The following LINC00237 variants were observed in gnomAD, a reference collection of about 807,000 sequenced individuals.
The protein encoded by LINC00237 is long intergenic non-protein coding RNA 237.
intron 1 of LINC00237, chr20:21,106,174 C>G (rs1229831159): frequency 1.3e-5 from 2 of 152,398 alleles, no homozygotes; most frequent in African/African-American, 2.4e-5. Context: ...TCGGCTCAGA[C>G]CAGAGCTACC....
intron 3 of LINC00237, among the ~76,000 whole-genome samples, chr20:21,086,857 A>G (rs2030716461): frequency 7.6e-6 from 1 of 131,376 alleles, no homozygotes; most frequent in Non-Finnish European, 1.6e-5. Context: ...TATACACTAT[A>G]TATGTATATA....
intron 1 of LINC00237, among the ~76,000 whole-genome samples, chr20:21,096,794 C>T (rs7261893): frequency 0.018 from 2,792 of 152,290 alleles, 85 homozygotes; most frequent in African/African-American, 0.063. Flanking sequence ...CAGGCTCAGC[C>T]TACATGAGGT....
intron 1 of LINC00237, among the ~76,000 whole-genome samples, chr20:21,094,021 G>A (rs2030824371): frequency 1.3e-5 from 2 of 152,178 alleles, no homozygotes; most frequent in Admixed American, 1.3e-4. Flanking sequence ...TGGGGATGGA[G>A]GAGAGGTGTG....
intron 1 of LINC00237, among the ~76,000 whole-genome samples, chr20:21,097,911 T>A (rs564446696): frequency 2.0e-5 from 3 of 151,784 alleles, no homozygotes; most frequent in Non-Finnish European, 4.4e-5. Context: ...CTCATTAGTT[T>A]AAAAAAAAAT....
At chr20:21,087,796 T>A (rs567125391) in intron 3 of LINC00237, 2 of 152,354 alleles carry the variant, frequency 1.3e-5, no homozygotes, top group Admixed American at 1.3e-4. Flanking sequence ...TCACAATTCA[T>A]TCCTGATATA....
At chr20:21,087,177 G>T (rs577639415) in intron 3 of LINC00237, among the ~76,000 whole-genome samples, 3 of 151,588 alleles carry the variant, frequency 2.0e-5, no homozygotes, top group African/African-American at 7.3e-5. Flanking sequence ...GGGCAGTATG[G>T]ATTATGAATT....
At chr20:21,099,094 C>A (rs1227777620) in intron 1 of LINC00237, among the ~76,000 whole-genome samples, 3 of 152,206 alleles carry the variant, frequency 2.0e-5, no homozygotes, top group Non-Finnish European at 4.4e-5. Flanking sequence ...TGGGCCAACT[C>A]AGTGCTTTGG....
rs116675600 is a variant in LINC00237, at chr20:21,090,972, C to T, written n.472+2497G>A. Among the ~76,000 whole-genome samples, 324 of 152,274 alleles carry T rather than the reference C, an allele frequency of 2.1e-3. 1 individual carries two copies. Among genetic ancestry groups the T allele is most frequent in the African/African-American group, 7.4e-3 (308 of 41,550 alleles). ...TGCCCGGGTCTTCTCCTGGCATCAACACAGTCCCATTTACTACTTCTTTCT... is the reference window on the plus strand; with the variant it reads ...TGCCCGGGTCTTCTCCTGGCATCAATACAGTCCCATTTACTACTTCTTTCT... On this transcript the variant is annotated intron_variant and non_coding_transcript_variant, in intron 2 of 3. Coordinates refer to ENST00000691244, the Ensembl canonical transcript of LINC00237.
At chr20:21,087,206 T>G (rs1362098745) in intron 3 of LINC00237, among the ~76,000 whole-genome samples, 1 of 151,742 alleles carries the variant, frequency 6.6e-6, no homozygotes, top group Non-Finnish European at 1.5e-5. Flanking sequence ...GACATCATTC[T>G]CTTCATGTCA....
chr20:21,105,402 G>A (rs556263666), intron 1 of LINC00237, among the ~76,000 whole-genome samples: 1 of 152,194 alleles, frequency 6.6e-6, no homozygotes, highest in African/African-American at 2.4e-5. Context: ...GGAATAAGAG[G>A]CGACTCTCCC....
At chr20:21,097,241 C>T (rs2030870564) in intron 1 of LINC00237, among the ~76,000 whole-genome samples, 1 of 152,146 alleles carries the variant, frequency 6.6e-6, no homozygotes, top group African/African-American at 2.4e-5. Flanking sequence ...CTCATTTATA[C>T]ATTAAAATAG....
chr20:21,094,361 A>G (rs1450151897), intron 1 of LINC00237, among the ~76,000 whole-genome samples: 1 of 152,134 alleles, frequency 6.6e-6, no homozygotes, highest in Non-Finnish European at 1.5e-5. Flanking sequence ...TCTAACTTGC[A>G]TTTTCTGCCC....
chr20:21,086,213 T>C (rs947437677), intron 3 of LINC00237, among the ~76,000 whole-genome samples: 2 of 152,212 alleles, frequency 1.3e-5, no homozygotes, highest in African/African-American at 4.8e-5. Flanking sequence ...TTTGAAAAGA[T>C]AGTCTAGAAC....
intron 1 of LINC00237, among the ~76,000 whole-genome samples, chr20:21,099,377 C>A (rs1227473908): frequency 6.6e-6 from 1 of 152,218 alleles, no homozygotes; most frequent in Non-Finnish European, 1.5e-5. Flanking sequence ...CAAGAAACAG[C>A]ACAGTGGAAA....
At position 21,087,093 on chromosome 20, in the gene LINC00237, T is replaced by TTTC. The variant is rs2030722467; in HGVS notation, n.559+850_559+851insGAA. On this transcript the variant is annotated intron_variant and non_coding_transcript_variant, in intron 3 of 3. Coordinates refer to ENST00000691244, the Ensembl canonical transcript of LINC00237. ...CACCCACACCCACACACTATATATG[T>TTTC]AGAGAGAGAGACAGAAACAGAGATA... is the stretch of plus-strand genomic sequence containing the variant. Among the ~76,000 whole-genome samples, 9 of 148,354 alleles carry TTTC rather than the reference T, an allele frequency of 6.1e-5. No homozygotes were observed. The South Asian group carries it at 1.9e-3, about 31-fold the overall frequency.
intron 3 of LINC00237, among the ~76,000 whole-genome samples, chr20:21,086,012 C>T (rs56278436): frequency 0.13 from 19,349 of 152,138 alleles, 1,381 homozygotes; most frequent in East Asian, 0.31. Context: ...AAGCTGCACA[C>T]GCAGTGCATT....
chr20:21,102,858 C>A (rs1254662944), intron 1 of LINC00237, among the ~76,000 whole-genome samples: 1 of 152,144 alleles, frequency 6.6e-6, no homozygotes, highest in Non-Finnish European at 1.5e-5. Flanking sequence ...GATGGGTGTG[C>A]AGCGAACCCC....
chr20:21,099,758 T>G (rs1470340494), intron 1 of LINC00237, among the ~76,000 whole-genome samples: 1 of 152,188 alleles, frequency 6.6e-6, no homozygotes, highest in East Asian at 1.9e-4. Context: ...AAGACATTTG[T>G]CAGGGCGGGT....
chr20:21,090,966 C>T (rs1272776820), intron 2 of LINC00237, among the ~76,000 whole-genome samples: 1 of 152,122 alleles, frequency 6.6e-6, no homozygotes, highest in Non-Finnish European at 1.5e-5. Flanking sequence ...CTTCTCCTGG[C>T]ATCAACACAG....
Sources: allele counts gnomAD v4.1 joint callset (sites outside exome capture counted in the v4.1 genomes callset), GRCh38; gene constraint gnomAD v4.1.1; transcripts MANE v1.5; gene names NCBI Gene and HGNC (gene_info 2026-07-23, HGNC 2026-07-21).